Variants in RSBN1L observed in about 807,000 individuals in gnomAD.
RSBN1L encodes lysine-specific demethylase RSBN1L.
In RSBN1L, 30 loss-of-function variants were observed where a neutral mutation model predicts 67.7. The observed-to-expected ratio is 0.44, with a 90% CI of 0.33 to 0.60. The LOEUF is 0.60. RSBN1L is among the 20% of genes least tolerant of loss of function. The probability of loss-of-function intolerance (pLI) is 0.02; values close to 1 mark genes in which losing one functional copy is unlikely to be tolerated. For synonymous variants in RSBN1L, 433 were observed against 387.0 expected (o/e 1.12, Z -1.39); for missense variants, 992 against 1,031.7 (o/e 0.96, Z 0.53).
At chr7:77,728,059 T>C (rs922700506) in intron 1 of RSBN1L, among the ~76,000 whole-genome samples, 1 of 152,208 alleles carries the variant, frequency 6.6e-6, no homozygotes, top group Non-Finnish European at 1.5e-5. Flanking sequence ...GCTCCATTCT[T>C]GTACTTCAGC....
rs372236929 is a variant in RSBN1L at position 77,726,970 on chromosome 7, A to T, written c.587-9440A>T. Among the ~76,000 whole-genome samples, 5 of 151,026 alleles carry T rather than the reference A, an allele frequency of 3.3e-5. No homozygotes were observed. In the East Asian group the frequency reaches 7.8e-4, roughly 24 times the overall value. ...CCTAATTTTTGTATTTGTAATAGGG[A>T]TGGGGTTTCACCATGTTGGCCAGGA... is the stretch of plus-strand genomic sequence containing the variant. On this transcript the variant is annotated intron_variant, in intron 1 of 7. Transcript: ENST00000334955.
rs917793257 is a variant in RSBN1L, at chr7:77,717,067, C to T, written c.587-19343C>T. On this transcript the variant is annotated intron_variant, in intron 1 of 7. Coordinates refer to ENST00000334955, the MANE Select transcript of RSBN1L (RefSeq NM_198467.3). ...TCTGGAACTGCTGGCCTTAAGCTATCTTCCCATCTTAGCCTCTTGAGTAGC... is the reference window on the plus strand; with the variant it reads ...TCTGGAACTGCTGGCCTTAAGCTATTTTCCCATCTTAGCCTCTTGAGTAGC... Among the ~76,000 whole-genome samples, 7 of 151,790 alleles carry T rather than the reference C, an allele frequency of 4.6e-5. No individual in the cohort carries two copies. In the East Asian group the frequency reaches 1.4e-3, roughly 29 times the overall value.
rs1791527866 is a variant in RSBN1L at position 77,749,643 on chromosome 7, T to C, written c.923T>C (p.Leu308Ser). 3 of 1,614,132 alleles carry C rather than the reference T, an allele frequency of 1.9e-6. No homozygotes were observed. Among genetic ancestry groups the C allele is most frequent in the Non-Finnish European group, 2.5e-6 (3 of 1,180,030 alleles). ...ATAAAAGATTACGTTGGGAAGAATT[T>C]GGATACCAAGAACTATGATTCCAAA... Reference protein sequence around the residue: ...DNIKDYVGKNLDTKNYDSKIP... With the variant: ...DNIKDYVGKNSDTKNYDSKIP... Residue 308 changes from leucine to serine, a missense_variant, in exon 3 of 8, where the codon TTG (leucine) becomes TCG (serine). Leu to Ser is a moderately radical substitution (Grantham distance 145). Around this residue, in one of 7 missense-constraint regions of RSBN1L, gnomAD observed 575 missense variants for 483.2 expected, o/e 1.19. Coordinates refer to ENST00000334955, the MANE Select transcript of RSBN1L (RefSeq NM_198467.3).
intron 6 of RSBN1L, among the ~76,000 whole-genome samples, chr7:77,776,840 C>A (rs996643891): frequency 3.3e-5 from 5 of 151,408 alleles, no homozygotes; most frequent in Admixed American, 6.6e-5. Context: ...TTGGGTCTTA[C>A]CTTTTTTTTA....
At position 77,749,813 on chromosome 7, in the gene RSBN1L, T is replaced by G. The variant is rs762276551; in HGVS notation, c.1093T>G (p.Tyr365Asp). Residue 365 changes from tyrosine to aspartate, a missense_variant, in exon 3 of 8, where the codon TAC (tyrosine) becomes GAC (aspartate). Physicochemically the swap from Tyr to Asp is radical, Grantham distance 160. Transcript: ENST00000334955. ...TGGAGGTGCATCGGTTATCCATGCC[T>G]ACAGTAACGAACTCTCCCACCTGTC... is the stretch of plus-strand genomic sequence containing the variant. ...PNGGASVIHA[Y>D]SNELSHLSPM... 6.2e-7 allele frequency: 1 copy of G among 1,614,188 alleles called. No homozygotes were observed. The highest frequency in any genetic ancestry group is 8.5e-7 in the Non-Finnish European group (1 of 1,180,020).
intron 3 of RSBN1L, among the ~76,000 whole-genome samples, chr7:77,752,117 A>T (rs771380348): frequency 3.9e-5 from 6 of 152,242 alleles, no homozygotes; most frequent in Admixed American, 6.5e-5. Context: ...GGACTTGTTA[A>T]TCATGGCAGT....
At chr7:77,761,083 GC>G (rs1791692486) in intron 3 of RSBN1L, among the ~76,000 whole-genome samples, 1 of 152,166 alleles carries the variant, frequency 6.6e-6, no homozygotes, top group African/African-American at 2.4e-5. Context: ...TTCCAGATAG[GC>G]TATTTTTTTA....
At chr7:77,751,790 G>A (rs1791559886) in intron 3 of RSBN1L, among the ~76,000 whole-genome samples, 1 of 152,166 alleles carries the variant, frequency 6.6e-6, no homozygotes, top group Non-Finnish European at 1.5e-5. Flanking sequence ...CATGTTCAAA[G>A]TGCCTTATCA....
At chr7:77,745,449 A>G (rs1791469807) in intron 2 of RSBN1L, among the ~76,000 whole-genome samples, 1 of 152,170 alleles carries the variant, frequency 6.6e-6, no homozygotes, top group African/African-American at 2.4e-5. Flanking sequence ...AATTAATATA[A>G]AGGTTATTTG....
intron 1 of RSBN1L, among the ~76,000 whole-genome samples, chr7:77,726,123 AG>A (rs970017448): frequency 2.0e-5 from 3 of 152,310 alleles, no homozygotes; most frequent in Admixed American, 1.3e-4. Context: ...AAAGTTGCAA[AG>A]GTAGTACAGA....
At chr7:77,758,105 G>C (rs186201727) in intron 3 of RSBN1L, among the ~76,000 whole-genome samples, 1 of 152,058 alleles carries the variant, frequency 6.6e-6, no homozygotes, top group South Asian at 2.1e-4. Context: ...GTTTTTAATC[G>C]ATAAAAGAGT....
rs772154912 is a variant in RSBN1L, at chr7:77,696,898, C to T, written c.429C>T (p.Leu143=). 9.3e-6 allele frequency: 15 copies of T among 1,606,154 alleles called. No homozygotes were observed. The East Asian group carries it at 1.8e-4, about 19-fold the overall frequency. ...TGCACGCTCAGCCTCACCATCTCCTCCTGCCCGCCGCCGCCGCCGCTGCCT... is the reference window on the plus strand; with the variant it reads ...TGCACGCTCAGCCTCACCATCTCCTTCTGCCCGCCGCCGCCGCCGCTGCCT... ...TLLHAQPHHL[L]LPAAAAAASA... Residue 143 remains leucine (L), a synonymous_variant, in exon 1 of 8, where the codon CTC becomes CTT. Transcript: ENST00000334955.
intron 5 of RSBN1L, among the ~76,000 whole-genome samples, chr7:77,770,667 C>A (rs1791836255): frequency 6.6e-6 from 1 of 151,776 alleles, no homozygotes; most frequent in African/African-American, 2.4e-5. Context: ...GGTGACAGAA[C>A]CAGAACCTAT....
rs1426599521 is a variant in RSBN1L at position 77,749,804 on chromosome 7, A to G, written c.1084A>G (p.Ile362Val). ...CCAGCCTAATGGAGGTGCATCGGTT[A>G]TCCATGCCTACAGTAACGAACTCTC... ...EHQPNGGASV[I>V]HAYSNELSHL... is the part of the protein sequence containing the mutation. Residue 362 changes from isoleucine to valine, a missense_variant, in exon 3 of 8, where the codon ATC (isoleucine) becomes GTC (valine). By Grantham distance (29) the Ile-to-Val change is conservative (BLOSUM62 3). Coordinates refer to ENST00000334955, the MANE Select transcript of RSBN1L (RefSeq NM_198467.3). 1 of 1,614,092 alleles carries G rather than the reference A, an allele frequency of 6.2e-7. No individual in the cohort carries two copies.
intron 1 of RSBN1L, among the ~76,000 whole-genome samples, chr7:77,705,349 A>G (rs947856416): frequency 6.6e-6 from 1 of 152,100 alleles, no homozygotes; most frequent in African/African-American, 2.4e-5. Context: ...AACTATAAAG[A>G]CTTGATTAAA....
intron 1 of RSBN1L, among the ~76,000 whole-genome samples, chr7:77,722,922 G>A (rs1162181984): frequency 2.7e-5 from 4 of 150,774 alleles, no homozygotes; most frequent in African/African-American, 9.8e-5. Flanking sequence ...ACAATATATT[G>A]TGACTGAAAG....
chr7:77,778,864 A>C lies in RSBN1L; in HGVS notation c.2237A>C (p.Lys746Thr), dbSNP rs764928790. Residue 746 changes from lysine (K) to threonine (T), a missense_variant, in exon 8 of 8, where the codon AAA becomes ACA. Transcript: ENST00000334955. ...DSVFSDKLHS[K>T]YELQQIKHEP... ...GTTTTTTCAGATAAACTTCATTCTA[A>C]ATATGAATTACAGCAGATTAAACAT... 6.2e-7 allele frequency: 1 copy of C among 1,614,052 alleles called. No homozygotes were observed. The highest frequency in any genetic ancestry group is 8.5e-7 in the Non-Finnish European group (1 of 1,179,942).
At chr7:77,725,241 C>T (rs939902965) in intron 1 of RSBN1L, among the ~76,000 whole-genome samples, 2 of 85,416 alleles carry the variant, frequency 2.3e-5, no homozygotes, top group African/African-American at 1.2e-4. Flanking sequence ...GATAAGCCCC[C>T]CACTTTTTTT....
intron 1 of RSBN1L, among the ~76,000 whole-genome samples, chr7:77,709,198 A>C (rs113553618): frequency 1.6e-5 from 1 of 63,644 alleles, no homozygotes; most frequent in East Asian, 3.5e-4. Flanking sequence ...GTGTGTGTGT[A>C]TGTATGTGTA....
Sources: allele counts gnomAD v4.1 joint callset (sites outside exome capture counted in the v4.1 genomes callset), GRCh38; gene constraint gnomAD v4.1.1; regional missense constraint gnomAD v4.1.1; transcripts MANE v1.5; gene names NCBI Gene and HGNC (gene_info 2026-07-23, HGNC 2026-07-21).